The following FRAT1 variants were observed in gnomAD, a reference collection of about 807,000 sequenced individuals.
FRAT1 encodes the protein FRAT regulator of Wnt signaling pathway 1, also known as proto-oncogene FRAT1.
In FRAT1, 9 loss-of-function variants were observed where a neutral mutation model predicts 16.9. The ratio of observed to expected loss-of-function variants is 0.53; its 90% CI spans 0.32 to 0.93. The LOEUF (loss-of-function observed/expected upper bound fraction) is 0.93, where lower values mean the gene tolerates loss of function less well. Ranked by LOEUF, FRAT1 falls within the 40% of genes least tolerant of loss-of-function variation. The pLI, the probability that FRAT1 is intolerant of heterozygous loss-of-function variation, is 0.04. For synonymous variants in FRAT1, 191 were observed against 202.1 expected, an observed-to-expected ratio of 0.95 and a Z score of 0.46; for missense variants, 354 against 402.8, an observed-to-expected ratio of 0.88 and a Z score of 1.04.
chr10:97,320,250 C>A lies in FRAT1; in HGVS notation c.797C>A (p.Ala266Glu). 3 of 1,601,392 alleles carry A rather than the reference C, an allele frequency of 1.9e-6. No individual in the cohort carries two copies. The highest frequency in any genetic ancestry group is 2.6e-6 in the Non-Finnish European group (3 of 1,174,824). Residue 266 changes from alanine to glutamate, a missense_variant, in exon 1 of 1, where the codon GCG (alanine) becomes GAG (glutamate). Coordinates refer to ENST00000371021, the MANE Select transcript of FRAT1 (RefSeq NM_005479.4). Reference protein sequence around the residue: ...ACSDPGASGRAQLRTGDGVLV... With the variant: ...ACSDPGASGREQLRTGDGVLV... ...AGTGACCCTGGCGCCTCCGGGAGGG[C>A]GCAGCTCAGAACTGGCGACGGCGTT...
In FRAT1 at chr10:97,320,493, G is replaced by A. The variant is rs1031763691; in HGVS notation, c.*200G>A. 1 of 592,332 alleles carries A rather than the reference G, an allele frequency of 1.7e-6. No individual in the cohort carries two copies. Among genetic ancestry groups the A allele is most frequent in the Admixed American group, 3.4e-5 (1 of 29,580 alleles). 36.7% of individuals were successfully genotyped at this position (592,332 alleles called of 1,614,324 possible). A position where few individuals can be genotyped will look rare whatever the true frequency, so the allele number is the denominator to read the frequency against. On this transcript the variant is annotated 3_prime_UTR_variant, in exon 1 of 1. Coordinates refer to ENST00000371021, the MANE Select transcript of FRAT1 (RefSeq NM_005479.4). ...CAAAATATTTGGAATGAAGGACTTT[G>A]GCCCTATTTAAGGCAGATTTTACAG... is the stretch of plus-strand genomic sequence containing the variant.
In FRAT1 at chr10:97,321,017, C is replaced by G. The variant is rs762552622; in HGVS notation, c.*724C>G. On this transcript the variant is annotated 3_prime_UTR_variant, in exon 1 of 1. Coordinates refer to ENST00000371021, the MANE Select transcript of FRAT1 (RefSeq NM_005479.4). The stretch of plus-strand genomic sequence containing the variant: ...AGAGAGGCGCGGAGTGAACCCCACG[C>G]CCTGTCTAAAGTGTATTTTCAGAGC... The G allele has an allele frequency of 6.0e-6, 1 of 167,060 alleles. No individual in the cohort carries two copies. The highest frequency in any genetic ancestry group is 1.5e-5 in the Non-Finnish European group (1 of 68,180). The allele number at this position is 167,060 out of a possible 1,614,324, so 10.3% of individuals were successfully genotyped here.
At position 97,319,336 on chromosome 10, in the gene FRAT1, G is replaced by T. The variant is rs1300161943; in HGVS notation, c.-118G>T. Reference sequence around the variant, plus strand: ...GGGCTCCGGCTTCCGCGTCCGCCCCGGCCCCGGTCCAGACTTAGTCTTCAG... The same window carrying T: ...GGGCTCCGGCTTCCGCGTCCGCCCCTGCCCCGGTCCAGACTTAGTCTTCAG... On this transcript the variant is annotated 5_prime_UTR_variant, in exon 1 of 1. Coordinates refer to ENST00000371021, the MANE Select transcript of FRAT1 (RefSeq NM_005479.4). The T allele has an allele frequency of 1.6e-6, 2 of 1,216,460 alleles. No individual in the cohort carries two copies. The highest frequency in any genetic ancestry group is 2.1e-6 in the Non-Finnish European group (2 of 972,804). 75.4% of individuals were successfully genotyped at this position (1,216,460 alleles called of 1,614,324 possible). A position where few individuals can be genotyped will look rare whatever the true frequency, so the allele number is the denominator to read the frequency against.
chr10:97,319,854 C>A lies in FRAT1; in HGVS notation c.401C>A (p.Ala134Asp). The change falls in exon 1 of 1, where the codon GCC becomes GAC. Residue 134 changes from alanine to aspartate, a missense_variant. Ala to Asp is a moderately radical substitution (Grantham distance 126). Around this residue, in one of 3 missense-constraint regions of FRAT1, gnomAD observed 286 missense variants for 311.0 expected, o/e 0.92. Coordinates refer to ENST00000371021, the MANE Select transcript of FRAT1 (RefSeq NM_005479.4). ...RAAPYCVAEL[A>D]TGPSALSPLP... ...GCGCCCTACTGCGTGGCCGAGCTCGCCACAGGCCCCAGCGCGCTGTCCCCA... is the reference window on the plus strand; with the variant it reads ...GCGCCCTACTGCGTGGCCGAGCTCGACACAGGCCCCAGCGCGCTGTCCCCA... The A allele has an allele frequency of 6.6e-7, 1 of 1,505,920 alleles. No individual in the cohort carries two copies. Among genetic ancestry groups the A allele is most frequent in the East Asian group, 2.6e-5 (1 of 38,734 alleles). The allele number at this position is 1,505,920 out of a possible 1,614,324, so 93.3% of individuals were successfully genotyped here.
At position 97,320,097 on chromosome 10, in the gene FRAT1, A is replaced by G; in HGVS notation, c.644A>G (p.Glu215Gly). Residue 215 changes from glutamate (E) to glycine (G), a missense_variant, in exon 1 of 1, where the codon GAG becomes GGG. By Grantham distance (98) the Glu-to-Gly change is moderately conservative. Around this residue, in one of 3 missense-constraint regions of FRAT1, gnomAD observed 286 missense variants for 311.0 expected, o/e 0.92. Coordinates refer to ENST00000371021, the MANE Select transcript of FRAT1 (RefSeq NM_005479.4). ...QLVLSGNLIK[E>G]AVRRLHSRRL... ...GTGCTCTCTGGAAACCTCATCAAGGAGGCCGTGCGAAGGCTTCATTCGCGA... is the reference window on the plus strand; with the variant it reads ...GTGCTCTCTGGAAACCTCATCAAGGGGGCCGTGCGAAGGCTTCATTCGCGA... The G allele has an allele frequency of 6.2e-7, 1 of 1,604,758 alleles. No homozygotes were observed. Among genetic ancestry groups the G allele is most frequent in the Non-Finnish European group, 8.5e-7 (1 of 1,176,148 alleles).
Position 97,319,322 on chromosome 10 carries a change from T to C in FRAT1, c.-132T>C. 8.5e-7 allele frequency: 1 copy of C among 1,183,184 alleles called. No individual in the cohort carries two copies. The highest frequency in any genetic ancestry group is 1.1e-6 in the Non-Finnish European group (1 of 943,402). 73.3% of individuals were successfully genotyped at this position (1,183,184 alleles called of 1,614,324 possible). A position where few individuals can be genotyped will look rare whatever the true frequency, so the allele number is the denominator to read the frequency against. On this transcript the variant is annotated 5_prime_UTR_variant, in exon 1 of 1. Coordinates refer to ENST00000371021, the MANE Select transcript of FRAT1 (RefSeq NM_005479.4). Reference sequence around the variant, plus strand: ...CTAGAGTGCCTGGCGGGCTCCGGCTTCCGCGTCCGCCCCGGCCCCGGTCCA... The same window carrying C: ...CTAGAGTGCCTGGCGGGCTCCGGCTCCCGCGTCCGCCCCGGCCCCGGTCCA...
At position 97,320,100 on chromosome 10, in the gene FRAT1, C is replaced by T. The variant is rs867690362; in HGVS notation, c.647C>T (p.Ala216Val). ...LVLSGNLIKE[A>V]VRRLHSRRLQ... ...CTCTCTGGAAACCTCATCAAGGAGGCCGTGCGAAGGCTTCATTCGCGACGG... is the reference window on the plus strand; with the variant it reads ...CTCTCTGGAAACCTCATCAAGGAGGTCGTGCGAAGGCTTCATTCGCGACGG... Residue 216 changes from alanine (A) to valine (V), a missense_variant, in exon 1 of 1, where the codon GCC becomes GTC. Transcript: ENST00000371021. 1 of 1,605,248 alleles carries T rather than the reference C, an allele frequency of 6.2e-7. No homozygotes were observed. Among genetic ancestry groups the T allele is most frequent in the Non-Finnish European group, 8.5e-7 (1 of 1,176,344 alleles).
Position 97,319,433 on chromosome 10 carries a change from C to T in FRAT1, c.-21C>T, listed in dbSNP as rs566964311. 540 of 1,388,464 alleles carry T rather than the reference C, an allele frequency of 3.9e-4. 3 individuals carry two copies. The African/African-American group carries it at 7.1e-3, about 18-fold the overall frequency. 86.0% of individuals were successfully genotyped at this position (1,388,464 alleles called of 1,614,324 possible). A position where few individuals can be genotyped will look rare whatever the true frequency, so the allele number is the denominator to read the frequency against. ...GCCCCCAGCGACGCCCGCACAGCTC[C>T]GGGTGCCCAGACAGGGGGCCATGCC... On this transcript the variant is annotated 5_prime_UTR_variant, in exon 1 of 1. Coordinates refer to ENST00000371021, the MANE Select transcript of FRAT1 (RefSeq NM_005479.4).
rs1843449284 is a variant in FRAT1 at position 97,320,268 on chromosome 10, A to G, written c.815A>G (p.Asp272Gly). The G allele has an allele frequency of 6.3e-7, 1 of 1,588,504 alleles. No individual in the cohort carries two copies. Among genetic ancestry groups the G allele is most frequent in the Non-Finnish European group, 8.6e-7 (1 of 1,167,628 alleles). Residue 272 changes from aspartate to glycine, a missense_variant, in exon 1 of 1, where the codon GAC becomes GGC. Physicochemically the swap from Asp to Gly is moderately conservative, Grantham distance 94. This residue lies in a region of FRAT1 where 286 missense variants were observed against 311.0 expected (regional missense o/e 0.92). Transcript: ENST00000371021. ...ASGRAQLRTG[D>G]GVLVPGS The stretch of plus-strand genomic sequence containing the variant: ...GGGAGGGCGCAGCTCAGAACTGGCG[A>G]CGGCGTTCTTGTGCCTGGCAGCTAA...
Position 97,319,748 on chromosome 10 carries a change from T to C in FRAT1, c.295T>C (p.Leu99=). The change falls in exon 1 of 1, where the codon TTG becomes CTG. Residue 99 remains leucine (L), a synonymous_variant. Coordinates refer to ENST00000371021, the MANE Select transcript of FRAT1 (RefSeq NM_005479.4). The part of the protein sequence containing the change: ...PAVPLLLPPA[L]AETVGPAPPG... ...GGTGCCGCTGCTGCTGCCGCCCGCGTTGGCGGAGACTGTGGGCCCGGCGCC... is the reference window on the plus strand; with the variant it reads ...GGTGCCGCTGCTGCTGCCGCCCGCGCTGGCGGAGACTGTGGGCCCGGCGCC... The C allele has an allele frequency of 8.3e-7, 1 of 1,209,810 alleles. No individual in the cohort carries two copies. The highest frequency in any genetic ancestry group is 1.0e-6 in the Non-Finnish European group (1 of 975,504). 74.9% of individuals were successfully genotyped at this position (1,209,810 alleles called of 1,614,324 possible). A position where few individuals can be genotyped will look rare whatever the true frequency, so the allele number is the denominator to read the frequency against.
rs1221050007 is a variant in FRAT1 at position 97,319,766 on chromosome 10, C to T, written c.313C>T (p.Pro105Ser). The T allele has an allele frequency of 1.6e-6, 2 of 1,236,798 alleles. No homozygotes were observed. The highest frequency in any genetic ancestry group is 1.0e-6 in the Non-Finnish European group (1 of 993,562). The allele number at this position is 1,236,798 out of a possible 1,614,324, so 76.6% of individuals were successfully genotyped here. The change falls in exon 1 of 1, where the codon CCG (proline) becomes TCG (serine). Residue 105 changes from proline (P) to serine (S), a missense_variant. Transcript: ENST00000371021. ...LPPALAETVG[P>S]APPGVLRCAL... Reference sequence around the variant, plus strand: ...GCCCGCGTTGGCGGAGACTGTGGGCCCGGCGCCCCCTGGGGTCCTGCGCTG... The same window carrying T: ...GCCCGCGTTGGCGGAGACTGTGGGCTCGGCGCCCCCTGGGGTCCTGCGCTG...
rs1843449191 is a variant in FRAT1, at chr10:97,320,261, A to G, written c.808A>G (p.Thr270Ala). The part of the protein sequence containing the change: ...PGASGRAQLR[T>A]GDGVLVPGS ...CGCCTCCGGGAGGGCGCAGCTCAGAACTGGCGACGGCGTTCTTGTGCCTGG... is the reference window on the plus strand; with the variant it reads ...CGCCTCCGGGAGGGCGCAGCTCAGAGCTGGCGACGGCGTTCTTGTGCCTGG... The change falls in exon 1 of 1, where the codon ACT becomes GCT. Residue 270 changes from threonine (T) to alanine (A), a missense_variant. By Grantham distance (58) the Thr-to-Ala change is moderately conservative. Around this residue, in one of 3 missense-constraint regions of FRAT1, gnomAD observed 286 missense variants for 311.0 expected, o/e 0.92. Coordinates refer to ENST00000371021, the MANE Select transcript of FRAT1 (RefSeq NM_005479.4). 1 of 1,593,798 alleles carries G rather than the reference A, an allele frequency of 6.3e-7. No homozygotes were observed. The highest frequency in any genetic ancestry group is 8.5e-7 in the Non-Finnish European group (1 of 1,170,670).
In FRAT1 at chr10:97,320,267, G is replaced by A. The variant is rs577325129; in HGVS notation, c.814G>A (p.Asp272Asn). ...ASGRAQLRTG[D>N]GVLVPGS ...CGGGAGGGCGCAGCTCAGAACTGGC[G>A]ACGGCGTTCTTGTGCCTGGCAGCTA... is the stretch of plus-strand genomic sequence containing the variant. The change falls in exon 1 of 1, where the codon GAC becomes AAC. Residue 272 changes from aspartate (D) to asparagine (N), a missense_variant. Physicochemically the swap from Asp to Asn is conservative, Grantham distance 23 (BLOSUM62 1). This residue lies in a region of FRAT1 where 286 missense variants were observed against 311.0 expected (regional missense o/e 0.92). Coordinates refer to ENST00000371021, the MANE Select transcript of FRAT1 (RefSeq NM_005479.4). The A allele has an allele frequency of 4.5e-5, 72 of 1,589,814 alleles. No homozygotes were observed. The African/African-American group carries it at 9.2e-4, about 20-fold the overall frequency.
Position 97,319,452 on chromosome 10 carries a change from C to T in FRAT1, c.-2C>T. 2.8e-6 allele frequency: 4 copies of T among 1,428,362 alleles called. No individual in the cohort carries two copies. The highest frequency in any genetic ancestry group is 5.0e-5 in the Admixed American group (2 of 40,370). 88.5% of individuals were successfully genotyped at this position (1,428,362 alleles called of 1,614,324 possible). On this transcript the variant is annotated 5_prime_UTR_variant, in exon 1 of 1. Transcript: ENST00000371021. Reference sequence around the variant, plus strand: ...CAGCTCCGGGTGCCCAGACAGGGGGCCATGCCGTGCCGGAGGGAGGAGGAA... The same window carrying T: ...CAGCTCCGGGTGCCCAGACAGGGGGTCATGCCGTGCCGGAGGGAGGAGGAA...
rs966275343 is a variant in FRAT1, at chr10:97,320,883, T to A, written c.*590T>A. 5.4e-5 allele frequency: 9 copies of A among 166,268 alleles called. No individual in the cohort carries two copies. Among genetic ancestry groups the A allele is most frequent in the African/African-American group, 2.2e-4 (9 of 41,046 alleles). 10.3% of individuals were successfully genotyped at this position (166,268 alleles called of 1,614,324 possible). ...TGGGGGTTGAATAGGAGTTAACCCC[T>A]GCGCTCTCTTTGCAACTGTCTCTCT... On this transcript the variant is annotated 3_prime_UTR_variant, in exon 1 of 1. Coordinates refer to ENST00000371021, the MANE Select transcript of FRAT1 (RefSeq NM_005479.4).
chr10:97,320,845 TGAAGGGA>T lies in FRAT1; in HGVS notation c.*553_*559del, dbSNP rs1843454852. The T allele has an allele frequency of 6.0e-6, 1 of 167,232 alleles. No individual in the cohort carries two copies. Among genetic ancestry groups the T allele is most frequent in the African/African-American group, 2.4e-5 (1 of 41,286 alleles). 10.4% of individuals were successfully genotyped at this position (167,232 alleles called of 1,614,324 possible). On this transcript the variant is annotated 3_prime_UTR_variant, in exon 1 of 1. Coordinates refer to ENST00000371021, the MANE Select transcript of FRAT1 (RefSeq NM_005479.4). Reference sequence around the variant, plus strand: ...GCTTAATACCAAACATGCGGTGCCATGAAGGGACCCTTTGGGGGTTGAATAGGAGTTA... The same window carrying T: ...GCTTAATACCAAACATGCGGTGCCATCCCTTTGGGGGTTGAATAGGAGTTA...
In FRAT1 at chr10:97,320,568, C is replaced by T. The variant is rs903619173; in HGVS notation, c.*275C>T. 4.9e-6 allele frequency: 2 copies of T among 410,184 alleles called. No individual in the cohort carries two copies. The highest frequency in any genetic ancestry group is 6.0e-5 in the South Asian group (1 of 16,550). The allele number at this position is 410,184 out of a possible 1,614,324, so 25.4% of individuals were successfully genotyped here. ...GTAGGACTCCTTATTTGGCGTGACC[C>T]GACCTGGCCGCGGAGCCTGCATTTC... On this transcript the variant is annotated 3_prime_UTR_variant, in exon 1 of 1. Coordinates refer to ENST00000371021, the MANE Select transcript of FRAT1 (RefSeq NM_005479.4).
At position 97,319,510 on chromosome 10, in the gene FRAT1, AGAG is replaced by A. The variant is rs1301132691; in HGVS notation, c.66_68del (p.Glu22del). On this transcript the variant is annotated inframe_deletion, in exon 1 of 1. Coordinates refer to ENST00000371021, the MANE Select transcript of FRAT1 (RefSeq NM_005479.4). ...CCGGCGAGGAGGCGGAGGGGGAGGA[AGAG>A]GAGGAGGACAGCTTCCTCCTACTGC... 8 of 1,477,548 alleles carry A rather than the reference AGAG, an allele frequency of 5.4e-6. No homozygotes were observed. Among genetic ancestry groups the A allele is most frequent in the Non-Finnish European group, 6.3e-6 (7 of 1,117,490 alleles). The allele number at this position is 1,477,548 out of a possible 1,614,324, so 91.5% of individuals were successfully genotyped here.
chr10:97,320,101 C>G lies in FRAT1; in HGVS notation c.648C>G (p.Ala216=). The stretch of plus-strand genomic sequence containing the variant: ...TCTCTGGAAACCTCATCAAGGAGGC[C>G]GTGCGAAGGCTTCATTCGCGACGGC... ...LVLSGNLIKE[A]VRRLHSRRLQ... The change falls in exon 1 of 1, where the codon GCC becomes GCG. Residue 216 remains alanine (A), a synonymous_variant. Coordinates refer to ENST00000371021, the MANE Select transcript of FRAT1 (RefSeq NM_005479.4). 1 of 1,606,074 alleles carries G rather than the reference C, an allele frequency of 6.2e-7. No individual in the cohort carries two copies.
Sources: gnomAD v4.1 joint callset for allele counts on GRCh38, gnomAD v4.1.1 for gene constraint, gnomAD v4.1.1 regional missense constraint, MANE v1.5 for transcripts, NCBI Gene and HGNC (gene_info 2026-07-23, HGNC 2026-07-21) for gene names.